The following NARS2 variants were observed in gnomAD, a reference collection of about 807,000 sequenced individuals.
NARS2 encodes the protein asparaginyl-tRNA synthetase.
Under a neutral mutation model 62.9 loss-of-function variants are expected in NARS2, and 60 were observed. The ratio of observed to expected loss-of-function variants is 0.95; its 90% CI spans 0.77 to 1.18. The LOEUF (loss-of-function observed/expected upper bound fraction) is 1.18, where lower values mean the gene tolerates loss of function less well. Ranked by LOEUF, NARS2 falls within the 50% of genes most tolerant of loss-of-function variation. The pLI, the probability that NARS2 is intolerant of heterozygous loss-of-function variation, is 0.00. For synonymous variants in NARS2, 196 were observed against 200.0 expected, an observed-to-expected ratio of 0.98 and a Z score of 0.17; for missense variants, 619 against 576.4, an observed-to-expected ratio of 1.07 and a Z score of -0.76.
intron 11 of NARS2, among the ~76,000 whole-genome samples, chr11:78,450,289 T>C (rs1857920426): frequency 6.6e-6 from 1 of 152,208 alleles, no homozygotes; most frequent in South Asian, 2.1e-4. Flanking sequence ...CTCTGGGAGA[T>C]AAACGAATCA....
intron 11 of NARS2, among the ~76,000 whole-genome samples, chr11:78,453,345 T>C (rs1006231960): frequency 3.9e-5 from 6 of 152,130 alleles, no homozygotes; most frequent in East Asian, 1.9e-4. Flanking sequence ...TGTCTAGAAA[T>C]AGTTTGTGTT....
chr11:78,530,539 T>C (rs1861440075), intron 5 of NARS2, among the ~76,000 whole-genome samples: 1 of 152,204 alleles, frequency 6.6e-6, no homozygotes, highest in African/African-American at 2.4e-5. Flanking sequence ...AGTGGCGCGA[T>C]CTTGACTCAC....
At chr11:78,455,852 A>G (rs1221105210) in intron 11 of NARS2, among the ~76,000 whole-genome samples, 1 of 151,746 alleles carries the variant, frequency 6.6e-6, no homozygotes, top group Admixed American at 6.6e-5. Flanking sequence ...CATCTGTAAG[A>G]AAGGGATAAA....
intron 13 of NARS2, among the ~76,000 whole-genome samples, chr11:78,437,960 G>A (rs1412097333): frequency 8.4e-6 from 1 of 118,828 alleles, no homozygotes; most frequent in Non-Finnish European, 1.6e-5. Flanking sequence ...GGGTGACAGA[G>A]TGAGATTCTG....
chr11:78,549,035 C>T (rs1855986660), intron 5 of NARS2, among the ~76,000 whole-genome samples: 2 of 152,212 alleles, frequency 1.3e-5, no homozygotes. Context: ...AGCATGCAGG[C>T]ATTTCTCCCC....
intron 5 of NARS2, among the ~76,000 whole-genome samples, chr11:78,553,816 A>T (rs1179632959): frequency 6.6e-6 from 1 of 151,936 alleles, no homozygotes; most frequent in Non-Finnish European, 1.5e-5. Flanking sequence ...CTGTCATGAA[A>T]TCTCTGCCAG....
At chr11:78,461,839 G>A (rs1858411860) in intron 11 of NARS2, among the ~76,000 whole-genome samples, 1 of 150,976 alleles carries the variant, frequency 6.6e-6, no homozygotes, top group Non-Finnish European at 1.5e-5. Context: ...TGTAGTCCCA[G>A]CTACTCGGGA....
intron 13 of NARS2, among the ~76,000 whole-genome samples, chr11:78,437,874 C>T (rs1400098780): frequency 6.7e-6 from 1 of 148,744 alleles, no homozygotes; most frequent in African/African-American, 2.5e-5. Context: ...ACTCAGGAGG[C>T]TGAGGCAGAG....
At chr11:78,459,920 C>T (rs1858327078) in intron 11 of NARS2, among the ~76,000 whole-genome samples, 1 of 152,212 alleles carries the variant, frequency 6.6e-6, no homozygotes, top group Non-Finnish European at 1.5e-5. Flanking sequence ...CAGCATCTAA[C>T]AGGGGCCTCT....
intron 6 of NARS2, among the ~76,000 whole-genome samples, chr11:78,499,151 C>T (rs1230727746): frequency 2.0e-5 from 3 of 151,856 alleles, no homozygotes; most frequent in Admixed American, 6.6e-5. Flanking sequence ...CTCCTGACCT[C>T]GTGATCCGCC....
chr11:78,566,584 G>C (rs893973000), intron 3 of NARS2, among the ~76,000 whole-genome samples: 1 of 152,130 alleles, frequency 6.6e-6, no homozygotes, highest in African/African-American at 2.4e-5. Flanking sequence ...CCTACAAATA[G>C]GTTAGGATTA....
chr11:78,532,746 C>G (rs1290318193), intron 5 of NARS2, among the ~76,000 whole-genome samples: 1 of 152,052 alleles, frequency 6.6e-6, no homozygotes. Flanking sequence ...TTTCATGTAC[C>G]CAGCTCAGAC....
Position 78,528,580 on chromosome 11 carries a change from T to A in NARS2, c.689+262A>T, listed in dbSNP as rs76004248. Among the ~76,000 whole-genome samples the A allele has an allele frequency of 0.075, 11,399 of 152,200 alleles. 1,453 individuals carry two copies. Among genetic ancestry groups the A allele is most frequent in the African/African-American group, 0.26 (10,833 of 41,470 alleles). ...TTTACTTCCATAAATATGATTAATT[T>A]AAATAAATTCTGATTACATGTTTGG... On this transcript the variant is annotated intron_variant, in intron 6 of 13. Transcript: ENST00000281038.
rs1306060501 is a variant in NARS2, at chr11:78,521,058, C to CAA, written c.689+7783_689+7784insTT. On this transcript the variant is annotated intron_variant, in intron 6 of 13. Coordinates refer to ENST00000281038, the MANE Select transcript of NARS2 (RefSeq NM_024678.6). ...TGGGCGACAGAGCAAGACTCTGTCT[C>CAA]CAAAAAAAAAAAAAAAAAGTAGAAG... Among the ~76,000 whole-genome samples, 22 of 47,172 alleles carry CAA rather than the reference C, an allele frequency of 4.7e-4. 1 individual carries two copies. The highest frequency in any genetic ancestry group is 8.5e-4 in the African/African-American group (11 of 12,910). The allele number at this position is 47,172 out of a possible 152,430, so 30.9% of individuals were successfully genotyped here.
intron 5 of NARS2, among the ~76,000 whole-genome samples, chr11:78,556,524 C>T (rs1402338853): frequency 1.3e-5 from 2 of 152,152 alleles, no homozygotes; most frequent in Non-Finnish European, 2.9e-5. Flanking sequence ...ATAAGGAAGT[C>T]CCCTTTGCTT....
intron 1 of NARS2, 161 bp from the exon 2 acceptor site, chr11:78,571,605 C>T: frequency 1.8e-6 from 1 of 571,136 alleles, no homozygotes. Context: ...TTTATATGTT[C>T]CAATCACAAT....
At chr11:78,571,230 C>G in intron 2 of NARS2, 105 bp downstream of exon 2, 1 of 675,694 alleles carries the variant, frequency 1.5e-6, no homozygotes. Flanking sequence ...AGATCTGTTT[C>G]AAAAGATTAC....
intron 4 of NARS2, among the ~76,000 whole-genome samples, chr11:78,563,854 ATAT>A (rs1565287418): frequency 0.034 from 821 of 23,844 alleles, 89 homozygotes; most frequent in African/African-American, 0.068. Context: ...AAAAAAAAAT[ATAT>A]ATATATATAT....
rs774105612 is a variant in NARS2 at position 78,568,752 on chromosome 11, T to C, written c.252A>G (p.Arg84=). The C allele has an allele frequency of 1.1e-5, 17 of 1,593,856 alleles. No individual in the cohort carries two copies. The Middle Eastern group carries it at 2.2e-3, about 203-fold the overall frequency. ...QVVADSGLDS[R]ELNFGSSVEV... Reference sequence around the variant, plus strand: ...CCACAGAACTCCCAAAATTTAATTCTCTATAGTAACAAAAAACAAGATAAA... The same window carrying C: ...CCACAGAACTCCCAAAATTTAATTCCCTATAGTAACAAAAAACAAGATAAA... Residue 84 remains arginine (R), a splice_region_variant and synonymous_variant, in exon 3 of 14, where the codon AGA becomes AGG. Coordinates refer to ENST00000281038, the MANE Select transcript of NARS2 (RefSeq NM_024678.6).
Sources: gnomAD v4.1 joint callset for allele counts (sites outside exome capture counted in the v4.1 genomes callset) on GRCh38, gnomAD v4.1.1 for gene constraint, MANE v1.5 for transcripts, NCBI Gene and HGNC (gene_info 2026-07-23, HGNC 2026-07-21) for gene names.